Variants in UBE2E2 observed in about 807,000 individuals in gnomAD.
UBE2E2 encodes ubiquitin-conjugating enzyme E2 E2.
A neutral mutation model predicts 24.7 loss-of-function variants in UBE2E2; 6 were observed. The ratio of observed to expected loss-of-function variants is 0.24; its 90% CI spans 0.13 to 0.48. The LOEUF is 0.48. UBE2E2 is among the 20% of genes least tolerant of loss of function. The probability of loss-of-function intolerance (pLI) is 0.99; values close to 1 mark genes in which losing one functional copy is unlikely to be tolerated. For synonymous variants in UBE2E2, 104 were observed against 83.6 expected, an observed-to-expected ratio of 1.24 and a Z score of -1.33; for missense variants, 169 against 245.0, an observed-to-expected ratio of 0.69 and a Z score of 2.07.
intron 3 of UBE2E2, among the ~76,000 whole-genome samples, chr3:23,366,353 A>T (rs1172809609): frequency 2.6e-5 from 4 of 152,192 alleles, no homozygotes; most frequent in Admixed American, 2.6e-4. Context: ...ACAAAGACGC[A>T]TGTGTGTGCT....
At chr3:23,395,986 T>A (rs1697063205) in intron 3 of UBE2E2, among the ~76,000 whole-genome samples, 2 of 152,146 alleles carry the variant, frequency 1.3e-5, no homozygotes, top group African/African-American at 4.8e-5. Context: ...TTTTATTAAT[T>A]TGAAATATTT....
chr3:23,359,045 T>C (rs925723189), intron 3 of UBE2E2, among the ~76,000 whole-genome samples: 7 of 152,352 alleles, frequency 4.6e-5, no homozygotes, highest in African/African-American at 1.4e-4. Context: ...GGGATGATCA[T>C]GAAGCAGCCA....
intron 3 of UBE2E2, among the ~76,000 whole-genome samples, chr3:23,307,869 C>T (rs1699279805): frequency 6.6e-6 from 1 of 152,020 alleles, no homozygotes; most frequent in African/African-American, 2.4e-5. Flanking sequence ...CATCTTAATG[C>T]CCTACAATGT....
chr3:23,318,762 A>G (rs1004615963), intron 3 of UBE2E2, among the ~76,000 whole-genome samples: 2 of 152,156 alleles, frequency 1.3e-5, no homozygotes, highest in African/African-American at 2.4e-5. Context: ...CCCTCCCACA[A>G]CATATGGGAA....
intron 3 of UBE2E2, among the ~76,000 whole-genome samples, chr3:23,312,525 C>CT (rs986140574): frequency 6.6e-6 from 1 of 152,014 alleles, no homozygotes; most frequent in Non-Finnish European, 1.5e-5. Context: ...AATCATCCCC[C>CT]TACCCTTCCC....
intron 2 of UBE2E2, among the ~76,000 whole-genome samples, chr3:23,212,745 C>T (rs1232355583): frequency 6.6e-6 from 1 of 151,972 alleles, no homozygotes; most frequent in Admixed American, 6.6e-5. Context: ...TTTGTAATTA[C>T]TGTATTTTCT....
Position 23,220,568 on chromosome 3 carries a change from A to G in UBE2E2, c.227+3256A>G, listed in dbSNP as rs76204386. ...GTGGAATATATTTTTCTTGGCCTTAACTGTCATGTTGGCTAACATAACTGA... is the reference window on the plus strand; with the variant it reads ...GTGGAATATATTTTTCTTGGCCTTAGCTGTCATGTTGGCTAACATAACTGA... On this transcript the variant is annotated intron_variant, in intron 3 of 5. Transcript: ENST00000396703. 2.3e-3 allele frequency among the ~76,000 whole-genome samples: 350 copies of G among 152,322 alleles called. 2 individuals are homozygous for G. The highest frequency in any genetic ancestry group is 8.0e-3 in the African/African-American group (333 of 41,584).
intron 3 of UBE2E2, among the ~76,000 whole-genome samples, chr3:23,321,684 A>G (rs1343191466): frequency 6.7e-6 from 1 of 148,452 alleles, no homozygotes; most frequent in Admixed American, 6.8e-5. Flanking sequence ...TCCCACTATT[A>G]TGACTGAATT....
chr3:23,342,817 T>C (rs1288711986), intron 3 of UBE2E2, among the ~76,000 whole-genome samples: 2 of 152,200 alleles, frequency 1.3e-5, no homozygotes, highest in Non-Finnish European at 2.9e-5. Context: ...AACCCAAGAA[T>C]AAACTTTTAT....
intron 4 of UBE2E2, among the ~76,000 whole-genome samples, chr3:23,518,134 G>T (rs1388581972): frequency 5.9e-5 from 9 of 152,070 alleles, no homozygotes; most frequent in Admixed American, 5.9e-4. Context: ...TATTGGAGGG[G>T]AAAAGATAAA....
intron 3 of UBE2E2, among the ~76,000 whole-genome samples, chr3:23,384,468 A>T (rs12715048): frequency 0.54 from 82,625 of 151,796 alleles, 22,681 homozygotes; most frequent in Admixed American, 0.65. Context: ...CTGACCTTGA[A>T]GTCTTACACT....
intron 3 of UBE2E2, among the ~76,000 whole-genome samples, chr3:23,301,972 C>A (rs1264546833): frequency 1.3e-5 from 2 of 150,862 alleles, no homozygotes; most frequent in Admixed American, 1.3e-4. Context: ...GTTTCTTTGT[C>A]TTTAATCATT....
At chr3:23,348,019 G>T (rs1160258091) in intron 3 of UBE2E2, among the ~76,000 whole-genome samples, 1 of 152,046 alleles carries the variant, frequency 6.6e-6, no homozygotes, top group Non-Finnish European at 1.5e-5. Flanking sequence ...AAAAAAGAAG[G>T]GGTTCATAAG....
In UBE2E2 at chr3:23,297,581, G is replaced by T. The variant is rs867922128; in HGVS notation, c.227+80269G>T. Among the ~76,000 whole-genome samples, 92 of 152,266 alleles carry T rather than the reference G, an allele frequency of 6.0e-4. 4 individuals carry two copies. The highest frequency in any genetic ancestry group is 1.6e-3 in the African/African-American group (65 of 41,546). ...TTAAATAGGGAATCCTTTCCCCATT[G>T]CTTGTTTTTGTCAGGTTTGTCAAAG... On this transcript the variant is annotated intron_variant, in intron 3 of 5. Transcript: ENST00000396703.
intron 3 of UBE2E2, among the ~76,000 whole-genome samples, chr3:23,327,812 T>A (rs1694944231): frequency 6.6e-6 from 1 of 152,180 alleles, no homozygotes; most frequent in African/African-American, 2.4e-5. Flanking sequence ...GTGCATAAAT[T>A]AGGAGTTGGT....
At chr3:23,426,424 A>G (rs1479881384) in intron 3 of UBE2E2, among the ~76,000 whole-genome samples, 1 of 151,956 alleles carries the variant, frequency 6.6e-6, no homozygotes, top group Non-Finnish European at 1.5e-5. Flanking sequence ...ATGCAAAAAA[A>G]AAAAAAAAAA....
intron 3 of UBE2E2, among the ~76,000 whole-genome samples, chr3:23,298,924 T>C (rs1053529399): frequency 6.6e-6 from 1 of 152,176 alleles, no homozygotes; most frequent in Admixed American, 6.5e-5. Context: ...GTCCTGGACT[T>C]TTTCTGGTTG....
intron 3 of UBE2E2, among the ~76,000 whole-genome samples, chr3:23,285,884 G>T (rs887854716): frequency 6.6e-6 from 1 of 152,056 alleles, no homozygotes; most frequent in Non-Finnish European, 1.5e-5. Context: ...TTTTAGTCAA[G>T]AGGGGTTTCA....
chr3:23,432,646 T>G (rs2125401686), intron 3 of UBE2E2, among the ~76,000 whole-genome samples: 1 of 152,092 alleles, frequency 6.6e-6, no homozygotes, highest in Non-Finnish European at 1.5e-5. Context: ...TATTACTCTG[T>G]CCAAATTTGG....
Sources: allele counts gnomAD v4.1 joint callset (sites outside exome capture counted in the v4.1 genomes callset), GRCh38; gene constraint gnomAD v4.1.1; transcripts MANE v1.5; gene names NCBI Gene and HGNC (gene_info 2026-07-23, HGNC 2026-07-21).